THRAP3: variants seen among roughly 807,000 people sequenced by gnomAD.
THRAP3 encodes the protein thyroid hormone receptor associated protein 3.
A neutral mutation model predicts 101.0 loss-of-function variants in THRAP3; 16 were observed. That is an observed-to-expected ratio of 0.16 (90% CI 0.11 to 0.24). The LOEUF (loss-of-function observed/expected upper bound fraction) is 0.24, where lower values mean the gene tolerates loss of function less well. THRAP3 is among the 10% of genes least tolerant of loss of function. The pLI, the probability that THRAP3 is intolerant of heterozygous loss-of-function variation, is 1.00. For synonymous variants in THRAP3, 407 were observed against 422.6 expected (o/e 0.96, Z 0.45); for missense variants, 989 against 1,202.7 (o/e 0.82, Z 2.63).
At chr1:36,267,185 A>G (rs1167511843) in intron 2 of THRAP3, among the ~76,000 whole-genome samples, 1 of 152,142 alleles carries the variant, frequency 6.6e-6, no homozygotes, top group African/African-American at 2.4e-5. Context: ...CGCCCTGCCT[A>G]TAATAAGAAT....
At chr1:36,292,252 G>GTTTTTTTTTTTTTTTTTTTTTTTTTT (rs1557453511) in intron 6 of THRAP3, among the ~76,000 whole-genome samples, 1 of 57,504 alleles carries the variant, frequency 1.7e-5, no homozygotes, top group Non-Finnish European at 3.3e-5. Flanking sequence ...AACATAATGT[G>GTTTTTTTTTTTTTTTTTTTTTTTTTT]TTTCTTTGTT....
chr1:36,296,702 C>G lies in THRAP3; in HGVS notation c.2235C>G (p.Asp745Glu), dbSNP rs1481565207. The G allele has an allele frequency of 5.0e-6, 8 of 1,610,258 alleles. No homozygotes were observed. Among genetic ancestry groups the G allele is most frequent in the South Asian group, 1.1e-5 (1 of 90,098 alleles). Residue 745 changes from aspartate to glutamate, a missense_variant, in exon 9 of 12, where the codon GAC becomes GAG. By Grantham distance (45) the Asp-to-Glu change is conservative. Coordinates refer to ENST00000354618, the MANE Select transcript of THRAP3 (RefSeq NM_005119.4). Reference sequence around the variant, plus strand: ...CGAGAGAATCAGTGGATTCCCGAGACTCCAGTCACTCAAGGGAAAGGTCAG... The same window carrying G: ...CGAGAGAATCAGTGGATTCCCGAGAGTCCAGTCACTCAAGGGAAAGGTCAG... ...GKSRESVDSR[D>E]SSHSRERSAE...
At chr1:36,259,785 AAAAG>A (rs1645421603) in intron 2 of THRAP3, among the ~76,000 whole-genome samples, 1 of 151,812 alleles carries the variant, frequency 6.6e-6, no homozygotes, top group Admixed American at 6.6e-5. Flanking sequence ...AAAGAAAAGA[AAAAG>A]AATTGATTAT....
At chr1:36,249,724 G>GTGA in intron 1 of THRAP3, among the ~76,000 whole-genome samples, 1 of 151,860 alleles carries the variant, frequency 6.6e-6, no homozygotes, top group Admixed American at 6.6e-5. Context: ...GTGTGTGGTG[G>GTGA]AGGTTGAGAC....
intron 1 of THRAP3, among the ~76,000 whole-genome samples, chr1:36,243,617 A>G (rs1406576720): frequency 1.3e-5 from 2 of 152,188 alleles, no homozygotes; most frequent in Admixed American, 6.5e-5. Context: ...AGACACGGCA[A>G]CCATCCGACT....
chr1:36,259,763 C>CA (rs11399884), intron 2 of THRAP3, among the ~76,000 whole-genome samples: 108,272 of 134,084 alleles, frequency 0.81, 43,625 homozygotes, highest in East Asian at 0.93. Flanking sequence ...GACCCTGTCT[C>CA]AAAAAAAAAA....
At chr1:36,256,329 C>T (rs1055017257) in intron 1 of THRAP3, among the ~76,000 whole-genome samples, 3 of 151,482 alleles carry the variant, frequency 2.0e-5, no homozygotes, top group Non-Finnish European at 4.4e-5. Context: ...GGGTTCACGC[C>T]ATTCTCCTGC....
At chr1:36,220,691 C>T (rs1268711076), upstream of THRAP3, among the ~76,000 whole-genome samples, 1 of 150,522 alleles carries the variant, frequency 6.6e-6, no homozygotes, top group Non-Finnish European at 1.5e-5. Context: ...CAGTGGCTCA[C>T]GCCTGTAATC....
At chr1:36,294,817 C>T (rs1047983829) in intron 8 of THRAP3, among the ~76,000 whole-genome samples, 2 of 152,174 alleles carry the variant, frequency 1.3e-5, no homozygotes, top group Non-Finnish European at 2.9e-5. Context: ...AAAAAGCCAA[C>T]TCATTGGAGG....
At chr1:36,244,709 A>G (rs972887454) in intron 1 of THRAP3, among the ~76,000 whole-genome samples, 1 of 147,516 alleles carries the variant, frequency 6.8e-6, no homozygotes, top group African/African-American at 2.5e-5. Flanking sequence ...TACCTGTACA[A>G]TTTTACTTGT....
intron 11 of THRAP3, among the ~76,000 whole-genome samples, chr1:36,302,207 G>A (rs934122732): frequency 1.3e-5 from 2 of 152,168 alleles, no homozygotes; most frequent in Admixed American, 6.5e-5. Context: ...TACTTTTATA[G>A]GCTGAAGTAC....
intron 9 of THRAP3, among the ~76,000 whole-genome samples, chr1:36,298,436 A>T (rs1445678453): frequency 1.3e-5 from 2 of 152,180 alleles, no homozygotes; most frequent in Non-Finnish European, 2.9e-5. Context: ...CCTACCTCTG[A>T]CTTGCGATGT....
intron 9 of THRAP3, among the ~76,000 whole-genome samples, chr1:36,297,853 A>G (rs1645972623): frequency 6.6e-6 from 1 of 151,682 alleles, no homozygotes; most frequent in Non-Finnish European, 1.5e-5. Context: ...GTGCCTTACG[A>G]TCACAAGTAT....
At chr1:36,219,541 C>G (rs1326357137), upstream of THRAP3, among the ~76,000 whole-genome samples, 3 of 152,108 alleles carry the variant, frequency 2.0e-5, no homozygotes, top group Non-Finnish European at 4.4e-5. Context: ...TCTCCTGCCT[C>G]AGCCTCTCAA....
At chr1:36,217,517 C>T in the THRAP3 span, among the ~76,000 whole-genome samples, 1 of 151,224 alleles carries the variant, frequency 6.6e-6, no homozygotes, top group African/African-American at 2.4e-5. Context: ...TTTTACTGTG[C>T]TTTGTAGATA....
rs183608470 is a variant in THRAP3, at chr1:36,248,122, C to T, written c.-134-11260C>T. Among the ~76,000 whole-genome samples the T allele has an allele frequency of 1.2e-4, 18 of 152,178 alleles. No individual in the cohort carries two copies. The East Asian group carries it at 3.3e-3, about 28-fold the overall frequency. On this transcript the variant is annotated intron_variant, in intron 1 of 11. Coordinates refer to ENST00000354618, the MANE Select transcript of THRAP3 (RefSeq NM_005119.4). ...CTTGAACTCCAGACCTCAGGTGATC[C>T]GCCCACTTTGGCCTACCAAAGTGCT...
intron 1 of THRAP3, among the ~76,000 whole-genome samples, chr1:36,256,735 C>A (rs1318837150): frequency 2.6e-5 from 4 of 152,192 alleles, no homozygotes; most frequent in Non-Finnish European, 5.9e-5. Flanking sequence ...AAGGCCCTGT[C>A]CATTCAGCTG....
At chr1:36,282,077 GAA>G (rs34567354) in intron 2 of THRAP3, among the ~76,000 whole-genome samples, 1 of 148,150 alleles carries the variant, frequency 6.7e-6, no homozygotes, top group African/African-American at 2.5e-5. Flanking sequence ...CCTATCTCAA[GAA>G]AAAAAAAATT....
chr1:36,209,810 A>G, the THRAP3 span, among the ~76,000 whole-genome samples: 1 of 152,152 alleles, frequency 6.6e-6, no homozygotes, highest in Non-Finnish European at 1.5e-5. Flanking sequence ...CCACTATCCA[A>G]TTTAATTCTG....
Sources: allele counts gnomAD v4.1 joint callset (sites outside exome capture counted in the v4.1 genomes callset), GRCh38; gene constraint gnomAD v4.1.1; transcripts MANE v1.5; gene names NCBI Gene and HGNC (gene_info 2026-07-23, HGNC 2026-07-21).